The following KIAA1671 variants were observed in gnomAD, a reference collection of about 807,000 sequenced individuals.
KIAA1671 encodes KIAA1671.
KIAA1671 carries 52 observed loss-of-function variants against 131.2 expected under a neutral mutation model. That is an observed-to-expected ratio of 0.40 (90% CI 0.32 to 0.50). The LOEUF (loss-of-function observed/expected upper bound fraction) is 0.50. Among genes scored for constraint, KIAA1671 ranks in the 20% least tolerant of loss-of-function variants. KIAA1671 has a pLI of 0.73. For synonymous variants in KIAA1671, 1,003 were observed against 961.6 expected (o/e 1.04, Z -0.80); for missense variants, 2,360 against 2,364.2 (o/e 1.00, Z 0.04).
intron 6 of KIAA1671, among the ~76,000 whole-genome samples, chr22:25,119,404 AT>A (rs545684320): frequency 1.6e-4 from 24 of 152,316 alleles, no homozygotes; most frequent in African/African-American, 5.3e-4. Flanking sequence ...AGAGGGCAGG[AT>A]GGAAAATCTG....
Position 25,190,578 on chromosome 22 carries a change from C to T in KIAA1671, c.5343-124C>T, listed in dbSNP as rs1017616942. Reference sequence around the variant, plus strand: ...CCCGTTAATATGGGCATCTTTACCACCTCTGAGTGCTTGCCCCAACCCCGC... The same window carrying T: ...CCCGTTAATATGGGCATCTTTACCATCTCTGAGTGCTTGCCCCAACCCCGC... On this transcript the variant is annotated intron_variant, in intron 11 of 12. Transcript: ENST00000358431. 1.6e-4 allele frequency: 112 copies of T among 714,204 alleles called. 1 individual carries two copies. The African/African-American group carries it at 1.7e-3, about 11-fold the overall frequency. The allele number at this position is 714,204 out of a possible 1,614,324, so 44.2% of individuals were successfully genotyped here. A position where few individuals can be genotyped will look rare whatever the true frequency, so the allele number is the denominator to read the frequency against.
intron 1 of KIAA1671, among the ~76,000 whole-genome samples, chr22:24,969,912 T>C (rs1218196657): frequency 2.6e-5 from 4 of 152,270 alleles, no homozygotes; most frequent in Admixed American, 6.5e-5. Context: ...CTATGGATGC[T>C]GTAATTGATA....
rs369684690 is a variant in KIAA1671 at position 24,989,821 on chromosome 22, C to T, written c.-207-35812C>T. The stretch of plus-strand genomic sequence containing the variant: ...AGGGTGTGCGGGGTGAATGTCCGCC[C>T]GGCAAAGGGACTTCTGCCAAAGGGA... On this transcript the variant is annotated intron_variant, in intron 1 of 12. Coordinates refer to ENST00000358431, the MANE Select transcript of KIAA1671 (RefSeq NM_001145206.2). Among the ~76,000 whole-genome samples the T allele has an allele frequency of 9.7e-4, 148 of 152,128 alleles. 3 individuals are homozygous for T. In the South Asian group the frequency reaches 0.029, roughly 30 times the overall value.
intron 1 of KIAA1671, among the ~76,000 whole-genome samples, chr22:24,953,044 C>T (rs1284047720): frequency 1.3e-5 from 2 of 152,184 alleles, no homozygotes; most frequent in African/African-American, 4.8e-5. Context: ...CGGGAAGATC[C>T]CGCACAGGGC....
chr22:25,057,313 G>C (rs1927894905), intron 6 of KIAA1671: 1 of 152,358 alleles, frequency 6.6e-6, no homozygotes, highest in Admixed American at 6.5e-5. Flanking sequence ...CCGGGGCTCT[G>C]TGGGCTCCCA....
chr22:24,983,225 T>A (rs1173058354), intron 1 of KIAA1671, among the ~76,000 whole-genome samples: 1 of 152,174 alleles, frequency 6.6e-6, no homozygotes, highest in Non-Finnish European at 1.5e-5. Flanking sequence ...ATCTGGGTGG[T>A]TTCAAAACAA....
chr22:25,092,798 T>C (rs964620466), intron 6 of KIAA1671, among the ~76,000 whole-genome samples: 1 of 150,756 alleles, frequency 6.6e-6, no homozygotes, highest in Non-Finnish European at 1.5e-5. Flanking sequence ...GGGAAAAGAG[T>C]GTGGAGGGAG....
In KIAA1671 at chr22:25,049,361, T is replaced by C; in HGVS notation, c.4527T>C (p.Phe1509=). 6.5e-7 allele frequency: 1 copy of C among 1,549,232 alleles called. No individual in the cohort carries two copies. Among genetic ancestry groups the C allele is most frequent in the South Asian group, 1.2e-5 (1 of 84,012 alleles). ...SFCKDRRSGP[F]VDQLKQCFSR... The stretch of plus-strand genomic sequence containing the variant: ...GCAAAGACAGGAGGAGTGGGCCCTT[T>C]GTGGTGAGTGATGCAACATGGCTGG... Residue 1509 remains phenylalanine, a synonymous_variant, in exon 6 of 13, where the codon TTT becomes TTC. Transcript: ENST00000358431.
chr22:25,127,801 C>G (rs975186258), intron 6 of KIAA1671, among the ~76,000 whole-genome samples: 2 of 152,252 alleles, frequency 1.3e-5, no homozygotes, highest in Non-Finnish European at 2.9e-5. Context: ...CATTAGAGAT[C>G]TGCTTAGTGA....
intron 3 of KIAA1671, 38 bp from the exon 4 acceptor site, chr22:25,032,571 T>C: frequency 7.3e-7 from 1 of 1,375,356 alleles, no homozygotes; most frequent in Non-Finnish European, 1.0e-6. Context: ...GAATAACAGC[T>C]TCCAGCTCCA....
Position 25,039,712 on chromosome 22 carries a change from A to G in KIAA1671, c.2582A>G (p.His861Arg). The change falls in exon 5 of 13, where the codon CAT (histidine) becomes CGT (arginine). Residue 861 changes from histidine to arginine, a missense_variant. Physicochemically the swap from His to Arg is conservative, Grantham distance 29 (BLOSUM62 0). Transcript: ENST00000358431. ...AAGGCTGCCATCTGGGAAAGCCAGC[A>G]TGAGGGGCCAGAGGGGGCCAGAAGC... ...AIKAAIWESQ[H>R]EGPEGARSKP... 1 of 1,509,972 alleles carries G rather than the reference A, an allele frequency of 6.6e-7. No homozygotes were observed. The highest frequency in any genetic ancestry group is 1.3e-5 in the South Asian group (1 of 76,570). The allele number at this position is 1,509,972 out of a possible 1,614,324, so 93.5% of individuals were successfully genotyped here. A position where few individuals can be genotyped will look rare whatever the true frequency, so the allele number is the denominator to read the frequency against.
chr22:25,040,833 G>A lies in KIAA1671; in HGVS notation c.3703G>A (p.Glu1235Lys). 5 of 1,551,464 alleles carry A rather than the reference G, an allele frequency of 3.2e-6. No individual in the cohort carries two copies. Among genetic ancestry groups the A allele is most frequent in the Non-Finnish European group, 4.4e-6 (5 of 1,146,814 alleles). The change falls in exon 5 of 13, where the codon GAG becomes AAG. Residue 1235 changes from glutamate (E) to lysine (K), a missense_variant. Transcript: ENST00000358431. ...CGTGGAGCCCAGTACGTTGCCTCGGGAGAGGCCTGTTCAGCTGGGCGGGGT... is the reference window on the plus strand; with the variant it reads ...CGTGGAGCCCAGTACGTTGCCTCGGAAGAGGCCTGTTCAGCTGGGCGGGGT... ...PTVEPSTLPRERPVQLGGVEQ... is the reference protein window; with the variant it reads ...PTVEPSTLPRKRPVQLGGVEQ...
chr22:24,968,849 C>A (rs187650746), intron 1 of KIAA1671, among the ~76,000 whole-genome samples: 11 of 152,134 alleles, frequency 7.2e-5, no homozygotes, highest in Non-Finnish European at 8.8e-5. Context: ...CTCTTTTTGT[C>A]CTTATTATGC....
chr22:25,119,849 G>A (rs1931849975), intron 6 of KIAA1671, among the ~76,000 whole-genome samples: 1 of 152,216 alleles, frequency 6.6e-6, no homozygotes. Context: ...CAGAGTGACT[G>A]GAGCAGCACA....
intron 6 of KIAA1671, among the ~76,000 whole-genome samples, chr22:25,163,828 A>G (rs759501700): frequency 9.2e-5 from 14 of 152,268 alleles, no homozygotes; most frequent in Non-Finnish European, 2.1e-4. Context: ...GTATTTTGCA[A>G]TAATAACTAA....
intron 1 of KIAA1671, among the ~76,000 whole-genome samples, chr22:24,995,528 T>G (rs1924087830): frequency 1.3e-5 from 2 of 151,848 alleles, no homozygotes; most frequent in South Asian, 4.2e-4. Flanking sequence ...GGCTAATCGT[T>G]TTTGTATTCT....
intron 6 of KIAA1671, among the ~76,000 whole-genome samples, chr22:25,074,698 A>G (rs189964130): frequency 1.2e-4 from 18 of 152,226 alleles, no homozygotes; most frequent in Admixed American, 1.0e-3. Context: ...TGTGGTTCAC[A>G]AGTATATTTA....
intron 1 of KIAA1671, among the ~76,000 whole-genome samples, chr22:24,962,549 A>G (rs1922070543): frequency 6.6e-6 from 1 of 151,896 alleles, no homozygotes; most frequent in African/African-American, 2.4e-5. Context: ...GCAGTTAACC[A>G]CTCTGGGCCT....
chr22:24,999,035 G>A (rs1924293958), intron 1 of KIAA1671, among the ~76,000 whole-genome samples: 2 of 152,036 alleles, frequency 1.3e-5, no homozygotes, highest in Non-Finnish European at 2.9e-5. Flanking sequence ...CCTAGGAGTG[G>A]AATTGCCGGC....
Sources: allele counts gnomAD v4.1 joint callset (sites outside exome capture counted in the v4.1 genomes callset), GRCh38; gene constraint gnomAD v4.1.1; transcripts MANE v1.5; gene names NCBI Gene and HGNC (gene_info 2026-07-23, HGNC 2026-07-21).